Variants in MTUS1 observed in about 807,000 individuals in gnomAD.
The protein encoded by MTUS1 is microtubule-associated tumor suppressor 1.
A neutral mutation model predicts 120.8 loss-of-function variants in MTUS1; 109 were observed. That is an observed-to-expected ratio of 0.90 (90% CI 0.77 to 1.06). The LOEUF is 1.06. Ranked by LOEUF, MTUS1 falls within the 50% of genes least tolerant of loss-of-function variation. The pLI is 0.00. For missense variants in MTUS1, 2,210 were observed against 1,486.3 expected (o/e 1.49, Z -8.01); for synonymous variants, 737 against 550.5 (o/e 1.34, Z -4.74).
In MTUS1 at chr8:17,703,310, G is replaced by A. The variant is rs547539161; in HGVS notation, c.2623+9904C>T. ...CATTCCTGGGGGTAGGTCTATAAAC[G>A]GCCGCTCTGGGAGTGTCTGTCCTAT... On this transcript the variant is annotated intron_variant, in intron 6 of 14. Coordinates refer to ENST00000693296, the MANE Select transcript of MTUS1 (RefSeq NM_001363059.2). Among the ~76,000 whole-genome samples, 106 of 152,164 alleles carry A rather than the reference G, an allele frequency of 7.0e-4. 1 individual carries two copies. The highest frequency in any genetic ancestry group is 2.0e-3 in the African/African-American group (84 of 41,504).
intron 12 of MTUS1, among the ~76,000 whole-genome samples, chr8:17,651,957 G>C (rs1473332531): frequency 6.6e-6 from 1 of 152,110 alleles, no homozygotes; most frequent in Non-Finnish European, 1.5e-5. Context: ...AAATAGCTTT[G>C]AAGTTTCTTT....
At chr8:17,790,007 C>T (rs1426738856) in intron 1 of MTUS1, among the ~76,000 whole-genome samples, 4 of 152,198 alleles carry the variant, frequency 2.6e-5, no homozygotes, top group Non-Finnish European at 2.9e-5. Flanking sequence ...AATTACCTGC[C>T]GCTCAGTAGC....
rs1406564099 is a variant in MTUS1 at position 17,754,247 on chromosome 8, G to C, written c.1561C>G (p.Gln521Glu). ...KAKVMSRAVL[Q>E]PKDAALSKVT... ...TTTGATAAAGCAGCATCTTTGGGCTGCAACACTGCTCTAGACATAACTTTT... is the reference window on the plus strand; with the variant it reads ...TTTGATAAAGCAGCATCTTTGGGCTCCAACACTGCTCTAGACATAACTTTT... Residue 521 changes from glutamine to glutamate, a missense_variant, in exon 2 of 15, where the codon CAG becomes GAG. Transcript: ENST00000693296. 1.2e-6 allele frequency: 2 copies of C among 1,614,082 alleles called. No homozygotes were observed. Among genetic ancestry groups the C allele is most frequent in the South Asian group, 1.1e-5 (1 of 91,062 alleles).
At chr8:17,660,463 T>C (rs1563153892) in intron 8 of MTUS1, among the ~76,000 whole-genome samples, 1 of 152,186 alleles carries the variant, frequency 6.6e-6, no homozygotes, top group Non-Finnish European at 1.5e-5. Flanking sequence ...GCCTCCACCT[T>C]TGGCTACTGT....
chr8:17,655,379 G>A (rs912544300), intron 9 of MTUS1, among the ~76,000 whole-genome samples: 1 of 151,838 alleles, frequency 6.6e-6, no homozygotes, highest in Non-Finnish European at 1.5e-5. Flanking sequence ...GAAAGAAAGG[G>A]TTGTTTTTTC....
intron 1 of MTUS1, among the ~76,000 whole-genome samples, chr8:17,785,992 T>C (rs1333115511): frequency 6.6e-6 from 1 of 151,922 alleles, no homozygotes; most frequent in Non-Finnish European, 1.5e-5. Flanking sequence ...ATTTAAAAAT[T>C]AGCCAGCCAT....
At chr8:17,693,058 C>G (rs998552886) in intron 6 of MTUS1, among the ~76,000 whole-genome samples, 4 of 152,122 alleles carry the variant, frequency 2.6e-5, no homozygotes, top group Admixed American at 2.6e-4. Context: ...CTGTGAGGTT[C>G]AAATGGCACT....
intron 8 of MTUS1, among the ~76,000 whole-genome samples, chr8:17,661,616 T>A (rs537157730): frequency 4.1e-4 from 62 of 151,488 alleles, no homozygotes; most frequent in Non-Finnish European, 8.5e-4. Flanking sequence ...CTATTAGCCA[T>A]GGGACAGGGC....
At chr8:17,783,701 G>A (rs557657060) in intron 1 of MTUS1, among the ~76,000 whole-genome samples, 2 of 152,096 alleles carry the variant, frequency 1.3e-5, no homozygotes, top group South Asian at 2.1e-4. Flanking sequence ...ACAGCCTATT[G>A]GTGACAGCCT....
intron 3 of MTUS1, chr8:17,724,114 AAGG>A: frequency 1.9e-6 from 1 of 538,460 alleles, no homozygotes; most frequent in South Asian, 1.6e-5. Flanking sequence ...ATGTTCTCTG[AAGG>A]AGATGATCAA....
At chr8:17,733,442 A>G (rs563101313) in intron 3 of MTUS1, among the ~76,000 whole-genome samples, 27 of 152,106 alleles carry the variant, frequency 1.8e-4, no homozygotes, top group Non-Finnish European at 3.7e-4. Flanking sequence ...AAAGGTACCA[A>G]ATAGTCATAA....
intron 7 of MTUS1, among the ~76,000 whole-genome samples, chr8:17,682,645 C>T (rs531275535): frequency 6.6e-6 from 1 of 151,826 alleles, no homozygotes; most frequent in East Asian, 1.9e-4. Context: ...AATGAGAGTT[C>T]ACAGGACTTG....
chr8:17,734,832 T>G (rs2979781), intron 3 of MTUS1, among the ~76,000 whole-genome samples: 4 of 152,000 alleles, frequency 2.6e-5, no homozygotes, highest in African/African-American at 4.8e-5. Context: ...CCTGGCTCAT[T>G]AGGAGTCAAG....
chr8:17,722,584 G>GCTA (rs2045923498), intron 4 of MTUS1: 2 of 985,028 alleles, frequency 2.0e-6, no homozygotes, highest in Non-Finnish European at 2.4e-6. Flanking sequence ...TATGAGTCCA[G>GCTA]CTACTGCTGC....
Position 17,724,538 on chromosome 8 carries a change from T to C in MTUS1, c.2288-705A>G, listed in dbSNP as rs568519732. Reference sequence around the variant, plus strand: ...CTTCTTTACTCCCCACACAGTTTATTTGCCAAACTTAAATGATCTTCACTC... The same window carrying C: ...CTTCTTTACTCCCCACACAGTTTATCTGCCAAACTTAAATGATCTTCACTC... On this transcript the variant is annotated intron_variant, in intron 3 of 14. Transcript: ENST00000693296. Among the ~76,000 whole-genome samples the C allele has an allele frequency of 1.3e-3, 195 of 152,280 alleles. 2 individuals carry two copies. In the Middle Eastern group the frequency reaches 0.014, roughly 11 times the overall value.
intron 3 of MTUS1, among the ~76,000 whole-genome samples, chr8:17,730,003 A>G (rs2046455889): frequency 6.8e-6 from 1 of 146,462 alleles, no homozygotes; most frequent in Admixed American, 6.8e-5. Flanking sequence ...AAAAAAAAAA[A>G]GCAAAAACAA....
chr8:17,723,379 C>T (rs575202463), intron 4 of MTUS1: 6 of 424,346 alleles, frequency 1.4e-5, no homozygotes, highest in African/African-American at 4.0e-5. Flanking sequence ...TTTCTGATTC[C>T]AGTTAGAGTC....
intron 6 of MTUS1, among the ~76,000 whole-genome samples, chr8:17,685,636 A>G (rs745467988): frequency 3.9e-5 from 6 of 152,212 alleles, no homozygotes; most frequent in Non-Finnish European, 8.8e-5. Flanking sequence ...AAGAAACATC[A>G]GTACTCACTT....
rs115191081 is a variant in MTUS1, at chr8:17,735,975, G to A, written c.2287+7629C>T. ...AAGAGCCAAGAGTTTTCATTGGAAC[G>A]ATTTGCTTAGACACCCCCTTATCCC... On this transcript the variant is annotated intron_variant, in intron 3 of 14. Transcript: ENST00000693296. 7.6e-3 allele frequency among the ~76,000 whole-genome samples: 1,161 copies of A among 152,290 alleles called. 18 individuals are homozygous for A. The highest frequency in any genetic ancestry group is 0.026 in the African/African-American group (1,069 of 41,574).
Sources: allele counts gnomAD v4.1 joint callset (sites outside exome capture counted in the v4.1 genomes callset), GRCh38; gene constraint gnomAD v4.1.1; transcripts MANE v1.5; gene names NCBI Gene and HGNC (gene_info 2026-07-23, HGNC 2026-07-21).